Variants in MAPT observed in about 807,000 individuals in gnomAD.
The protein encoded by MAPT is microtubule associated protein tau, also known as microtubule-associated protein tau.
In MAPT, 34 loss-of-function variants were observed where a neutral mutation model predicts 67.9. The ratio of observed to expected loss-of-function variants is 0.50; its 90% confidence interval spans 0.38 to 0.67. The LOEUF (loss-of-function observed/expected upper bound fraction) is 0.67. Among genes scored for constraint, MAPT ranks in the 30% least tolerant of loss-of-function variants. The pLI, the probability that MAPT is intolerant of heterozygous loss-of-function variation, is 0.00. For synonymous variants in MAPT, 456 were observed against 464.5 expected (o/e 0.98, Z 0.23); for missense variants, 881 against 1,115.2 (o/e 0.79, Z 2.99).
Position 45,978,244 on chromosome 17 carries a change from C to T in MAPT, c.221-131C>T, listed in dbSNP as rs1469996512. 5.1e-6 allele frequency: 4 copies of T among 784,472 alleles called. No individual in the cohort carries two copies. In the South Asian group the frequency reaches 5.5e-5, roughly 11 times the overall value. The allele number at this position is 784,472 out of a possible 1,614,324, so 48.6% of individuals were successfully genotyped here. A position where few individuals can be genotyped will look rare whatever the true frequency, so the allele number is the denominator to read the frequency against. Reference sequence around the variant, plus strand: ...TTGCAGAGAAGCCAGAGCTGAGGCACCTTGGTATTCTTGGGATGTGACTTT... The same window carrying T: ...TTGCAGAGAAGCCAGAGCTGAGGCATCTTGGTATTCTTGGGATGTGACTTT... On this transcript the variant is annotated intron_variant, in intron 3 of 12. Coordinates refer to ENST00000262410, the MANE Select transcript of MAPT (RefSeq NM_001377265.1).
chr17:45,967,575 G>A (rs2071215769), intron 2 of MAPT, among the ~76,000 whole-genome samples: 2 of 152,166 alleles, frequency 1.3e-5, no homozygotes, highest in South Asian at 4.1e-4. Flanking sequence ...TGGGATGGGT[G>A]CAGCCAGGGC....
At chr17:45,968,995 A>G (rs2071373306) in intron 2 of MAPT, among the ~76,000 whole-genome samples, 1 of 152,216 alleles carries the variant, frequency 6.6e-6, no homozygotes, top group South Asian at 2.1e-4. Context: ...AGCCTCACAC[A>G]ACCAATAGGT....
chr17:46,006,176 T>C (rs906904832), intron 9 of MAPT, among the ~76,000 whole-genome samples: 2 of 152,188 alleles, frequency 1.3e-5, no homozygotes, highest in Non-Finnish European at 2.9e-5. Flanking sequence ...AGCCAAGATT[T>C]GGAAGCAACC....
Position 46,010,216 on chromosome 17 carries a change from G to T in MAPT, c.1999-94G>T, listed in dbSNP as rs975398863. The T allele has an allele frequency of 1.2e-6, 1 of 823,626 alleles. No individual in the cohort carries two copies. The highest frequency in any genetic ancestry group is 2.1e-6 in the Non-Finnish European group (1 of 483,494). 51.0% of individuals were successfully genotyped at this position (823,626 alleles called of 1,614,324 possible). A position where few individuals can be genotyped will look rare whatever the true frequency, so the allele number is the denominator to read the frequency against. The stretch of plus-strand genomic sequence containing the variant: ...CGAGCAAGTAGGCGGGTCCAGGGTG[G>T]CGCATGTCACTCATCGAAAGTGGAG... On this transcript the variant is annotated intron_variant, in intron 9 of 12. Transcript: ENST00000262410. The surrounding 1 kb of genome is among the most constrained non-coding windows in gnomAD (Gnocchi z 4.7).
chr17:45,909,686 C>T (rs1425670828), intron 1 of MAPT, among the ~76,000 whole-genome samples: 1 of 152,058 alleles, frequency 6.6e-6, no homozygotes, highest in East Asian at 1.9e-4. Flanking sequence ...GCCTGGCCAA[C>T]AGGGTGAAAC....
At chr17:45,983,952 G>A (rs1400149175) in intron 5 of MAPT, 22 bp downstream of exon 5, 5 of 1,526,700 alleles carry the variant, frequency 3.3e-6, no homozygotes, top group African/African-American at 2.8e-5. Flanking sequence ...GAGCTTCTTC[G>A]CTCCTTCCCT....
At chr17:45,941,175 C>T (rs981905577) in intron 1 of MAPT, among the ~76,000 whole-genome samples, 3 of 152,236 alleles carry the variant, frequency 2.0e-5, no homozygotes, top group African/African-American at 7.2e-5. Context: ...AACTGAAGGG[C>T]ATCTCTATTT....
At chr17:45,899,804 C>T (rs1235839660) in intron 1 of MAPT, among the ~76,000 whole-genome samples, 2 of 152,206 alleles carry the variant, frequency 1.3e-5, no homozygotes, top group East Asian at 3.8e-4. Flanking sequence ...TTTCACTCTA[C>T]ATTGGTGCTC....
intron 1 of MAPT, among the ~76,000 whole-genome samples, chr17:45,944,597 G>T (rs2068297277): frequency 1.3e-5 from 2 of 152,196 alleles, no homozygotes; most frequent in African/African-American, 4.8e-5. Context: ...CCGGGTCGGG[G>T]TACAGGGTAG....
intron 1 of MAPT, among the ~76,000 whole-genome samples, chr17:45,904,298 A>T (rs2064086468): frequency 6.6e-5 from 3 of 45,512 alleles, no homozygotes; most frequent in Non-Finnish European, 1.4e-4. Flanking sequence ...TGTATAATAT[A>T]TAATATATAT....
At chr17:45,929,235 T>C (rs17564829) in intron 1 of MAPT, among the ~76,000 whole-genome samples, 21,773 of 152,270 alleles carry the variant, frequency 0.14, 2,130 homozygotes, top group Non-Finnish European at 0.22. Flanking sequence ...AGCTCTGTCA[T>C]ACACCTTACA....
intron 3 of MAPT, chr17:45,975,759 C>T (rs2072263351): frequency 6.6e-6 from 1 of 152,212 alleles, no homozygotes; most frequent in Non-Finnish European, 1.5e-5. Context: ...ACAGTCAAAG[C>T]TTCTAACTCC....
At chr17:45,958,730 A>G (rs1323811338) in intron 1 of MAPT, among the ~76,000 whole-genome samples, 1 of 151,898 alleles carries the variant, frequency 6.6e-6, no homozygotes, top group African/African-American at 2.4e-5. Context: ...TAAAAGAAAA[A>G]AAAAAAAAAA....
At chr17:45,956,584 ATATATATATATATATATT>A (rs1472797025) in intron 1 of MAPT, among the ~76,000 whole-genome samples, 244 of 4,408 alleles carry the variant, frequency 0.055, 4 homozygotes, top group African/African-American at 0.083. Context: ...ATATATATAT[ATATATATATATATATATT>A]TTTTATTATT....
chr17:45,993,773 G>T (rs2074256423), intron 8 of MAPT: 1 of 695,584 alleles, frequency 1.4e-6, no homozygotes. Flanking sequence ...GCTGCCTGCA[G>T]GTGGAGAGAC....
At chr17:46,020,300 G>A (rs2076447095) in intron 12 of MAPT, among the ~76,000 whole-genome samples, 1 of 152,150 alleles carries the variant, frequency 6.6e-6, no homozygotes, top group South Asian at 2.1e-4. Context: ...GTGGGTGTCT[G>A]TGCAGTGAGG....
intron 9 of MAPT, chr17:45,999,175 T>C: frequency 6.8e-7 from 1 of 1,476,096 alleles, no homozygotes; most frequent in Non-Finnish European, 9.0e-7. Context: ...CAAGTTCAGT[T>C]GCCATCTCCT....
intron 4 of MAPT, among the ~76,000 whole-genome samples, chr17:45,981,807 G>T (rs1424062243): frequency 6.6e-6 from 1 of 151,980 alleles, no homozygotes; most frequent in Non-Finnish European, 1.5e-5. Context: ...TTGAGCCCAG[G>T]AGTTCGAGAC....
At chr17:45,937,036 G>A (rs2067396357) in intron 1 of MAPT, among the ~76,000 whole-genome samples, 1 of 152,206 alleles carries the variant, frequency 6.6e-6, no homozygotes, top group Non-Finnish European at 1.5e-5. Flanking sequence ...CCTACTCAGA[G>A]TCTGCAAATA....
Sources: allele counts gnomAD v4.1 joint callset (sites outside exome capture counted in the v4.1 genomes callset), GRCh38; gene constraint gnomAD v4.1.1; non-coding constraint Gnocchi (gnomAD v3.1); transcripts MANE v1.5; gene names NCBI Gene and HGNC (gene_info 2026-07-23, HGNC 2026-07-21).